The following CALCOCO2 variants were observed in gnomAD, a reference collection of about 807,000 sequenced individuals.
CALCOCO2 encodes the protein calcium binding and coiled-coil domain 2.
In CALCOCO2, 42 loss-of-function variants were observed where a neutral mutation model predicts 62.5. That is an observed-to-expected ratio of 0.67 (90% CI 0.53 to 0.87). CALCOCO2 has a LOEUF of 0.87. CALCOCO2 is among the 40% of genes least tolerant of loss of function. The pLI, the probability that CALCOCO2 is intolerant of heterozygous loss-of-function variation, is 0.00. For synonymous variants in CALCOCO2, 167 were observed against 173.0 expected, an observed-to-expected ratio of 0.97 and a Z score of 0.27; for missense variants, 456 against 515.0, an observed-to-expected ratio of 0.89 and a Z score of 1.11.
intron 9 of CALCOCO2, among the ~76,000 whole-genome samples, chr17:48,854,982 C>CG (rs1049860527): frequency 6.6e-6 from 1 of 152,090 alleles, no homozygotes; most frequent in African/African-American, 2.4e-5. Flanking sequence ...TCAGCCAACT[C>CG]GGGGCGGCTG....
At chr17:48,855,288 A>G (rs2040198576) in intron 9 of CALCOCO2, among the ~76,000 whole-genome samples, 1 of 152,180 alleles carries the variant, frequency 6.6e-6, no homozygotes, top group African/African-American at 2.4e-5. Context: ...CAGGACTAGA[A>G]GAGCCATCAG....
At position 48,860,331 on chromosome 17, in the gene CALCOCO2, C is replaced by G. The variant is rs749367010; in HGVS notation, c.1026C>G (p.Asn342Lys). The G allele has an allele frequency of 6.2e-7, 1 of 1,613,462 alleles. No individual in the cohort carries two copies. The highest frequency in any genetic ancestry group is 8.5e-7 in the Non-Finnish European group (1 of 1,179,586). Reference protein sequence around the residue: ...EGENDLLKRENSRLLSYMGLD... With the variant: ...EGENDLLKREKSRLLSYMGLD... Reference sequence around the variant, plus strand: ...ATCCTTAGCTTTTGAAGAGGGAGAACAGCAGATTGCTCAGTTACATGGGTC... The same window carrying G: ...ATCCTTAGCTTTTGAAGAGGGAGAAGAGCAGATTGCTCAGTTACATGGGTC... The change falls in exon 11 of 13, where the codon AAC (asparagine) becomes AAG (lysine). Residue 342 changes from asparagine (N) to lysine (K), a missense_variant. This residue lies in a region of CALCOCO2 where 172 missense variants were observed against 210.3 expected (regional missense o/e 0.82). Transcript: ENST00000258947.
intron 10 of CALCOCO2, among the ~76,000 whole-genome samples, chr17:48,858,061 G>GAATAGAATAGAATAGAATAC (rs2040267818): frequency 7.2e-6 from 1 of 139,364 alleles, no homozygotes; most frequent in Non-Finnish European, 1.6e-5. Context: ...GAATAGAATA[G>GAATAGAATAGAATAGAATAC]AATAGAATAG....
At chr17:48,857,995 A>AATAGGATAGC (rs1237446776) in intron 10 of CALCOCO2, among the ~76,000 whole-genome samples, 5 of 22,092 alleles carry the variant, frequency 2.3e-4, no homozygotes, top group Non-Finnish European at 5.2e-4. Flanking sequence ...AATAGAATAG[A>AATAGGATAGC]ATAGAATAGA....
Position 48,852,578 on chromosome 17 carries a change from G to A in CALCOCO2, c.775G>A (p.Glu259Lys), listed in dbSNP as rs1355639717. The change falls in exon 8 of 13, where the codon GAG (glutamate) becomes AAG (lysine). Residue 259 changes from glutamate (E) to lysine (K), a missense_variant. By Grantham distance (56) the Glu-to-Lys change is moderately conservative (BLOSUM62 1). Around this residue, in one of 3 missense-constraint regions of CALCOCO2, gnomAD observed 236 missense variants for 225.3 expected, o/e 1.05. Transcript: ENST00000258947. ...QGDQDKTEQL[E>K]QLKKENDHLF... ...AGATCAAGATAAGACAGAGCAGTTA[G>A]AGCAGCTGAAAAAGGAAAATGACCA... is the stretch of plus-strand genomic sequence containing the variant. 3 of 1,613,212 alleles carry A rather than the reference G, an allele frequency of 1.9e-6. No individual in the cohort carries two copies. Among genetic ancestry groups the A allele is most frequent in the Non-Finnish European group, 2.5e-6 (3 of 1,179,204 alleles).
chr17:48,834,322 G>A (rs1409220983), intron 1 of CALCOCO2, among the ~76,000 whole-genome samples: 1 of 151,988 alleles, frequency 6.6e-6, no homozygotes, highest in South Asian at 2.1e-4. Flanking sequence ...TCCCATTATT[G>A]CCTGCTCCTC....
At chr17:48,846,750 T>C (rs986852325) in intron 2 of CALCOCO2, among the ~76,000 whole-genome samples, 2 of 152,178 alleles carry the variant, frequency 1.3e-5, no homozygotes, top group Non-Finnish European at 2.9e-5. Context: ...TGGTATAGAC[T>C]TTTCAACCCT....
chr17:48,855,125 T>G (rs1460493479), intron 9 of CALCOCO2, among the ~76,000 whole-genome samples: 1 of 152,116 alleles, frequency 6.6e-6, no homozygotes, highest in Non-Finnish European at 1.5e-5. Context: ...AAAAGAGGGA[T>G]GTAGTGTATG....
chr17:48,850,888 A>G (rs1481688594), intron 5 of CALCOCO2: 1 of 355,856 alleles, frequency 2.8e-6, no homozygotes, highest in Non-Finnish European at 5.3e-6. Flanking sequence ...ACTGCACTCC[A>G]GCCTGGGCAA....
intron 4 of CALCOCO2, chr17:48,848,692 C>G: frequency 1.7e-6 from 1 of 602,228 alleles, no homozygotes; most frequent in Admixed American, 2.6e-5. Context: ...TTCAGTTATT[C>G]TTTTAACTTT....
intron 10 of CALCOCO2, among the ~76,000 whole-genome samples, chr17:48,858,301 T>C (rs1457294420): frequency 1.3e-5 from 2 of 152,026 alleles, no homozygotes; most frequent in Non-Finnish European, 2.9e-5. Context: ...TTATTCCCAT[T>C]CTCTCTTTTT....
intron 5 of CALCOCO2, 82 bp downstream of exon 5, chr17:48,849,459 T>C: frequency 8.1e-7 from 1 of 1,235,468 alleles, no homozygotes; most frequent in Non-Finnish European, 1.2e-6. Context: ...ATATTCTGTT[T>C]TGCCTGTGAT....
chr17:48,833,625 TTGTTTTTAC>T (rs1252538200), intron 1 of CALCOCO2, among the ~76,000 whole-genome samples: 1 of 152,132 alleles, frequency 6.6e-6, no homozygotes, highest in African/African-American at 2.4e-5. Flanking sequence ...ACTTTTATCT[TTGTTTTTAC>T]TGTTCTCAAA....
intron 5 of CALCOCO2, among the ~76,000 whole-genome samples, chr17:48,850,479 T>A (rs932098370): frequency 5.9e-5 from 9 of 151,740 alleles, no homozygotes; most frequent in East Asian, 1.9e-4. Context: ...AAACAAAAAA[T>A]ATATATATAT....
At chr17:48,836,055 T>G (rs1200648910) in intron 1 of CALCOCO2, among the ~76,000 whole-genome samples, 1 of 152,114 alleles carries the variant, frequency 6.6e-6, no homozygotes, top group East Asian at 1.9e-4. Flanking sequence ...ACGGCCAGAT[T>G]GGTTGTTTTT....
chr17:48,852,755 A>G, intron 8 of CALCOCO2, 127 bp downstream of exon 8: 1 of 1,049,236 alleles, frequency 9.5e-7, no homozygotes, highest in South Asian at 1.5e-5. Context: ...AAGGGCTCAG[A>G]GGAAGCTATC....
intron 2 of CALCOCO2, chr17:48,846,570 A>G (rs568685308): frequency 3.6e-5 from 28 of 782,430 alleles, no homozygotes; most frequent in East Asian, 2.7e-4. Context: ...GGCCTTCCCA[A>G]TGATATTTTG....
chr17:48,857,974 CA>C (rs1485273542), intron 10 of CALCOCO2, among the ~76,000 whole-genome samples: 6 of 40,132 alleles, frequency 1.5e-4, no homozygotes, highest in African/African-American at 2.9e-4. Flanking sequence ...AAGACTACAT[CA>C]ATAGAATAGA....
chr17:48,852,591 A>C lies in CALCOCO2; in HGVS notation c.788A>C (p.Lys263Thr). ...DKTEQLEQLK[K>T]ENDHLFLSLT... ...ACAGAGCAGTTAGAGCAGCTGAAAAAGGAAAATGACCACCTCTTTCTCAGT... is the reference window on the plus strand; with the variant it reads ...ACAGAGCAGTTAGAGCAGCTGAAAACGGAAAATGACCACCTCTTTCTCAGT... Residue 263 changes from lysine to threonine, a missense_variant, in exon 8 of 13, where the codon AAG becomes ACG. Physicochemically the swap from Lys to Thr is moderately conservative, Grantham distance 78. This residue lies in a region of CALCOCO2 where 236 missense variants were observed against 225.3 expected (regional missense o/e 1.05). Transcript: ENST00000258947. The C allele has an allele frequency of 6.2e-7, 1 of 1,613,496 alleles. No individual in the cohort carries two copies.
Sources: gnomAD v4.1 joint callset for allele counts (sites outside exome capture counted in the v4.1 genomes callset) on GRCh38, gnomAD v4.1.1 for gene constraint, gnomAD v4.1.1 regional missense constraint, MANE v1.5 for transcripts, NCBI Gene and HGNC (gene_info 2026-07-23, HGNC 2026-07-21) for gene names.